The following HS6ST3 variants were observed in gnomAD, a reference collection of about 807,000 sequenced individuals.
HS6ST3 encodes heparan-sulfate 6-O-sulfotransferase 3.
HS6ST3 carries 12 observed loss-of-function variants against 36.7 expected under a neutral mutation model. The ratio of observed to expected loss-of-function variants is 0.33; its 90% CI spans 0.21 to 0.53. The LOEUF (loss-of-function observed/expected upper bound fraction) is 0.53, where lower values mean the gene tolerates loss of function less well. Ranked by LOEUF, HS6ST3 falls within the 20% of genes least tolerant of loss-of-function variation. The pLI, the probability that HS6ST3 is intolerant of heterozygous loss-of-function variation, is 0.95. For synonymous variants in HS6ST3, 240 were observed against 257.5 expected, an observed-to-expected ratio of 0.93 and a Z score of 0.65; for missense variants, 584 against 640.9, an observed-to-expected ratio of 0.91 and a Z score of 0.96.
intron 1 of HS6ST3, among the ~76,000 whole-genome samples, chr13:96,736,318 A>G (rs761364520): frequency 2.0e-5 from 3 of 152,200 alleles, no homozygotes; most frequent in African/African-American, 4.8e-5. Flanking sequence ...GCAAATGCAA[A>G]TATTAATAAA....
chr13:96,588,736 C>A (rs959352146), intron 1 of HS6ST3, among the ~76,000 whole-genome samples: 6 of 151,874 alleles, frequency 4.0e-5, no homozygotes, highest in Non-Finnish European at 8.8e-5. Context: ...GTGATGCTAG[C>A]CTTGTAATTT....
chr13:96,195,291 T>C (rs1163177210), intron 1 of HS6ST3, among the ~76,000 whole-genome samples: 2 of 152,206 alleles, frequency 1.3e-5, no homozygotes, highest in African/African-American at 4.8e-5. Flanking sequence ...AAAGTAGCAA[T>C]GAATAACAGA....
In HS6ST3 at chr13:96,543,276, T is replaced by G. The variant is rs61967730; in HGVS notation, c.708-289214T>G. ...TCATCCTCCCCCAGGTCTGATTGGGTCAAGGTTTCCCTGTCATCATGTGGT... is the reference window on the plus strand; with the variant it reads ...TCATCCTCCCCCAGGTCTGATTGGGGCAAGGTTTCCCTGTCATCATGTGGT... On this transcript the variant is annotated intron_variant, in intron 1 of 1. Coordinates refer to ENST00000376705, the MANE Select transcript of HS6ST3 (RefSeq NM_153456.4). Among the ~76,000 whole-genome samples, 567 of 152,288 alleles carry G rather than the reference T, an allele frequency of 3.7e-3. 1 individual carries two copies. Among genetic ancestry groups the G allele is most frequent in the Non-Finnish European group, 6.6e-3 (447 of 68,024 alleles).
intron 1 of HS6ST3, among the ~76,000 whole-genome samples, chr13:96,349,025 ACT>A (rs1193553819): frequency 6.6e-6 from 1 of 152,248 alleles, no homozygotes; most frequent in Admixed American, 6.5e-5. Flanking sequence ...ATCCTGGAAC[ACT>A]GTTTTTGTCT....
rs183980856 is a variant in HS6ST3, at chr13:96,798,029, A to G, written c.708-34461A>G. The stretch of plus-strand genomic sequence containing the variant: ...GGTTTACCTGTGCTTCTGACTGACT[A>G]TAAATAAGAGTTCCCACAACCCCTT... On this transcript the variant is annotated intron_variant, in intron 1 of 1. Coordinates refer to ENST00000376705, the MANE Select transcript of HS6ST3 (RefSeq NM_153456.4). 9.9e-5 allele frequency among the ~76,000 whole-genome samples: 15 copies of G among 152,190 alleles called. No homozygotes were observed. In the East Asian group the frequency reaches 2.5e-3, roughly 26 times the overall value.
chr13:96,394,368 C>T (rs1022393246), intron 1 of HS6ST3, among the ~76,000 whole-genome samples: 4 of 151,868 alleles, frequency 2.6e-5, no homozygotes, highest in Admixed American at 6.6e-5. Flanking sequence ...GGCACTAGCA[C>T]GTCTTGAGAT....
chr13:96,697,173 G>A (rs924307805), intron 1 of HS6ST3, among the ~76,000 whole-genome samples: 1 of 149,872 alleles, frequency 6.7e-6, no homozygotes, highest in African/African-American at 2.5e-5. Context: ...ATGTATAGAT[G>A]TGTGTGTGTG....
chr13:96,093,574 T>TA (rs202192790), intron 1 of HS6ST3, among the ~76,000 whole-genome samples: 173 of 149,700 alleles, frequency 1.2e-3, no homozygotes, highest in East Asian at 5.3e-3. Flanking sequence ...CCTTTCTTTC[T>TA]AAAAAAAAAA....
intron 1 of HS6ST3, among the ~76,000 whole-genome samples, chr13:96,699,794 A>T (rs897271450): frequency 6.6e-6 from 1 of 152,232 alleles, no homozygotes; most frequent in Admixed American, 6.5e-5. Context: ...ACATGCACAC[A>T]TATGTTTATT....
chr13:96,800,753 C>G (rs775896464), intron 1 of HS6ST3, among the ~76,000 whole-genome samples: 2 of 151,956 alleles, frequency 1.3e-5, no homozygotes, highest in Non-Finnish European at 2.9e-5. Flanking sequence ...ACTAGCTCCC[C>G]CTTCTCAAGA....
intron 1 of HS6ST3, among the ~76,000 whole-genome samples, chr13:96,412,220 G>T (rs1458659719): frequency 6.6e-6 from 1 of 152,048 alleles, no homozygotes; most frequent in East Asian, 1.9e-4. Flanking sequence ...GGCCAGGATG[G>T]TCTCGATCTC....
At chr13:96,215,979 G>A (rs887971694) in intron 1 of HS6ST3, among the ~76,000 whole-genome samples, 2 of 152,174 alleles carry the variant, frequency 1.3e-5, no homozygotes, top group Non-Finnish European at 2.9e-5. Flanking sequence ...ATAATGCATA[G>A]TAGTGAAGAG....
intron 1 of HS6ST3, among the ~76,000 whole-genome samples, chr13:96,133,845 T>TTTC (rs1491055278): frequency 1.5e-3 from 6 of 4,014 alleles, no homozygotes; most frequent in Middle Eastern, 0.038. Context: ...GCTTTTATGT[T>TTTC]TTTTTTTTTT....
At chr13:96,406,911 ATT>A (rs5805968) in intron 1 of HS6ST3, among the ~76,000 whole-genome samples, 13 of 152,016 alleles carry the variant, frequency 8.6e-5, no homozygotes, top group Admixed American at 1.3e-4. Flanking sequence ...TTTATTAAAC[ATT>A]TTTTTTGTAG....
At chr13:96,361,182 G>C (rs1811907397) in intron 1 of HS6ST3, among the ~76,000 whole-genome samples, 1 of 152,078 alleles carries the variant, frequency 6.6e-6, no homozygotes, top group African/African-American at 2.4e-5. Context: ...ATACCTGTGA[G>C]TAACACGGGC....
At chr13:96,731,564 T>C (rs1189986140) in intron 1 of HS6ST3, among the ~76,000 whole-genome samples, 1 of 152,214 alleles carries the variant, frequency 6.6e-6, no homozygotes, top group Non-Finnish European at 1.5e-5. Context: ...GGGGTCCAGA[T>C]GTCTCTTTGA....
intron 1 of HS6ST3, among the ~76,000 whole-genome samples, chr13:96,824,661 A>G (rs899897626): frequency 3.9e-5 from 6 of 152,214 alleles, no homozygotes; most frequent in African/African-American, 1.4e-4. Flanking sequence ...GAACATTTGG[A>G]AACTGACTCC....
At chr13:96,223,359 G>A (rs1268687796) in intron 1 of HS6ST3, among the ~76,000 whole-genome samples, 1 of 152,214 alleles carries the variant, frequency 6.6e-6, no homozygotes. Context: ...GTGTTGGTCA[G>A]CACAGCCCCC....
At chr13:96,435,009 C>G (rs2055634678) in intron 1 of HS6ST3, among the ~76,000 whole-genome samples, 1 of 151,860 alleles carries the variant, frequency 6.6e-6, no homozygotes, top group African/African-American at 2.4e-5. Flanking sequence ...TCCTTTCTCT[C>G]TGAGTAAATT....
Sources: allele counts gnomAD v4.1 joint callset (sites outside exome capture counted in the v4.1 genomes callset), GRCh38; gene constraint gnomAD v4.1.1; transcripts MANE v1.5; gene names NCBI Gene and HGNC (gene_info 2026-07-23, HGNC 2026-07-21).